BCL2: variants seen among roughly 807,000 people sequenced by gnomAD.
BCL2 encodes apoptosis regulator Bcl-2.
A neutral mutation model predicts 14.2 loss-of-function variants in BCL2; 1 was observed. The observed-to-expected ratio is 0.07, with a 90% CI of 0.02 to 0.33. The LOEUF (loss-of-function observed/expected upper bound fraction) is 0.33. BCL2 is among the 10% of genes least tolerant of loss of function. The pLI is 0.99. For missense variants in BCL2, 247 were observed against 305.9 expected, an observed-to-expected ratio of 0.81 and a Z score of 1.44; for synonymous variants, 151 against 137.2, an observed-to-expected ratio of 1.10 and a Z score of -0.70.
intron 2 of BCL2, among the ~76,000 whole-genome samples, chr18:63,261,178 A>C (rs1308399754): frequency 6.6e-6 from 1 of 152,206 alleles, no homozygotes; most frequent in Non-Finnish European, 1.5e-5. Context: ...GAGGAGTAGA[A>C]TGTTATTCCA....
At chr18:63,137,947 C>T (rs1914252154) in intron 2 of BCL2, among the ~76,000 whole-genome samples, 1 of 152,208 alleles carries the variant, frequency 6.6e-6, no homozygotes, top group African/African-American at 2.4e-5. Context: ...GTAGAGACCA[C>T]TGGGTATGTC....
chr18:63,203,348 C>T lies in BCL2; in HGVS notation c.586-74589G>A, dbSNP rs186302226. On this transcript the variant is annotated intron_variant, in intron 2 of 2. Coordinates refer to ENST00000333681, the MANE Select transcript of BCL2 (RefSeq NM_000633.3). ...GAGATGGAGCTCTCAACCTGGATGCCAATGACATGTGTAAAACAAGAGAAA... is the reference window on the plus strand; with the variant it reads ...GAGATGGAGCTCTCAACCTGGATGCTAATGACATGTGTAAAACAAGAGAAA... Among the ~76,000 whole-genome samples, 12 of 152,256 alleles carry T rather than the reference C, an allele frequency of 7.9e-5. No homozygotes were observed. The East Asian group carries it at 1.7e-3, about 22-fold the overall frequency.
At chr18:63,209,129 A>G (rs556437830) in intron 2 of BCL2, among the ~76,000 whole-genome samples, 1 of 152,318 alleles carries the variant, frequency 6.6e-6, no homozygotes, top group African/African-American at 2.4e-5. Context: ...AAGCAACAGT[A>G]TTAATTCTTG....
chr18:63,160,838 T>C (rs907817006), intron 2 of BCL2, among the ~76,000 whole-genome samples: 3 of 151,792 alleles, frequency 2.0e-5, no homozygotes, highest in African/African-American at 7.3e-5. Context: ...GCTCCAGGGG[T>C]CCTAAACTGC....
intron 2 of BCL2, among the ~76,000 whole-genome samples, chr18:63,231,075 AAG>A (rs1485336672): frequency 6.6e-6 from 1 of 152,088 alleles, no homozygotes; most frequent in African/African-American, 2.4e-5. Context: ...AAGCTCAAGT[AAG>A]AGTCAACATT....
intron 2 of BCL2, among the ~76,000 whole-genome samples, chr18:63,310,649 T>C (rs1913286059): frequency 1.3e-5 from 2 of 152,216 alleles, no homozygotes; most frequent in African/African-American, 2.4e-5. Flanking sequence ...GTGTAGGGCC[T>C]CAATAAATGT....
intron 2 of BCL2, among the ~76,000 whole-genome samples, chr18:63,310,730 C>A (rs1048434807): frequency 6.6e-6 from 1 of 152,194 alleles, no homozygotes; most frequent in Non-Finnish European, 1.5e-5. Context: ...TCTCCATGAC[C>A]ATCACTACCC....
At chr18:63,198,044 AT>A (rs1230716390) in intron 2 of BCL2, among the ~76,000 whole-genome samples, 1 of 152,200 alleles carries the variant, frequency 6.6e-6, no homozygotes, top group Admixed American at 6.5e-5. Context: ...AAAGTAGTTT[AT>A]TTGTTTTCAC....
At chr18:63,131,399 G>A (rs940019908) in intron 2 of BCL2, among the ~76,000 whole-genome samples, 1 of 152,214 alleles carries the variant, frequency 6.6e-6, no homozygotes, top group Non-Finnish European at 1.5e-5. Flanking sequence ...CATAAAATGT[G>A]TGTTTAGTGC....
At chr18:63,293,401 A>G (rs1912708967) in intron 2 of BCL2, among the ~76,000 whole-genome samples, 1 of 152,228 alleles carries the variant, frequency 6.6e-6, no homozygotes, top group African/African-American at 2.4e-5. Context: ...CCCAATATGC[A>G]GGTTGTCACC....
intron 2 of BCL2, among the ~76,000 whole-genome samples, chr18:63,220,950 A>G (rs936417650): frequency 3.9e-5 from 6 of 152,222 alleles, no homozygotes; most frequent in Non-Finnish European, 7.3e-5. Context: ...ACACAACAGC[A>G]AGTCAAGACA....
rs142692573 is a variant in BCL2, at chr18:63,135,468, G to A, written c.586-6709C>T. On this transcript the variant is annotated intron_variant, in intron 2 of 2. Coordinates refer to ENST00000333681, the MANE Select transcript of BCL2 (RefSeq NM_000633.3). ...TTGTCAGATCTTTTCTGTTCCTTTTGATGACTGTTCCCAACAGCCACCACT... is the reference window on the plus strand; with the variant it reads ...TTGTCAGATCTTTTCTGTTCCTTTTAATGACTGTTCCCAACAGCCACCACT... Among the ~76,000 whole-genome samples the A allele has an allele frequency of 1.3e-3, 203 of 152,260 alleles. 1 individual carries two copies. The highest frequency in any genetic ancestry group is 4.7e-3 in the African/African-American group (194 of 41,544).
At chr18:63,159,925 C>T (rs1914878135) in intron 2 of BCL2, among the ~76,000 whole-genome samples, 1 of 152,198 alleles carries the variant, frequency 6.6e-6, no homozygotes, top group Admixed American at 6.5e-5. Flanking sequence ...TCATTTACAT[C>T]GTGTCCACTT....
At chr18:63,310,300 T>C (rs1228948285) in intron 2 of BCL2, among the ~76,000 whole-genome samples, 2 of 152,024 alleles carry the variant, frequency 1.3e-5, no homozygotes, top group Non-Finnish European at 2.9e-5. Flanking sequence ...CTCAGGAGAG[T>C]TCTCCATGCC....
intron 2 of BCL2, among the ~76,000 whole-genome samples, chr18:63,209,981 ACAG>A (rs1308407338): frequency 1.3e-5 from 2 of 152,156 alleles, no homozygotes; most frequent in African/African-American, 4.8e-5. Flanking sequence ...CCCCTCAAAG[ACAG>A]TGTTTCCTTA....
At chr18:63,157,473 G>A (rs1914813722) in intron 2 of BCL2, among the ~76,000 whole-genome samples, 2 of 152,202 alleles carry the variant, frequency 1.3e-5, no homozygotes, top group Admixed American at 6.5e-5. Context: ...CCATGCACGC[G>A]GCAGTTGAAA....
intron 2 of BCL2, among the ~76,000 whole-genome samples, chr18:63,221,211 G>T (rs1452771452): frequency 6.6e-6 from 1 of 152,122 alleles, no homozygotes; most frequent in Admixed American, 6.5e-5. Flanking sequence ...GTTGGACAAC[G>T]GATCTTTAAA....
chr18:63,246,487 G>A lies in BCL2; in HGVS notation c.585+71595C>T, dbSNP rs74659486. 2.2e-3 allele frequency among the ~76,000 whole-genome samples: 337 copies of A among 152,286 alleles called. 1 individual carries two copies. The highest frequency in any genetic ancestry group is 7.4e-3 in the African/African-American group (308 of 41,550). On this transcript the variant is annotated intron_variant, in intron 2 of 2. Coordinates refer to ENST00000333681, the MANE Select transcript of BCL2 (RefSeq NM_000633.3). ...CAAACAAGAGAAAATAACAGAACTTGTGCAGGCAAACTCCCCTTTATAAAA... is the reference window on the plus strand; with the variant it reads ...CAAACAAGAGAAAATAACAGAACTTATGCAGGCAAACTCCCCTTTATAAAA...
intron 2 of BCL2, among the ~76,000 whole-genome samples, chr18:63,173,369 T>C (rs1915273243): frequency 6.6e-6 from 1 of 152,210 alleles, no homozygotes; most frequent in African/African-American, 2.4e-5. Flanking sequence ...ACCTGAACAT[T>C]TTGGGGGTTG....
Sources: allele counts gnomAD v4.1 joint callset (sites outside exome capture counted in the v4.1 genomes callset), GRCh38; gene constraint gnomAD v4.1.1; transcripts MANE v1.5; gene names NCBI Gene and HGNC (gene_info 2026-07-23, HGNC 2026-07-21).